Variants in STARD9 observed in about 807,000 individuals in gnomAD.
STARD9 encodes the protein stAR-related lipid transfer protein 9.
Under a neutral mutation model 399.8 loss-of-function variants are expected in STARD9, and 346 were observed. That is an observed-to-expected ratio of 0.87 (90% CI 0.79 to 0.95). STARD9 has a LOEUF of 0.95. Ranked by LOEUF, STARD9 falls within the 40% of genes least tolerant of loss-of-function variation. The probability of loss-of-function intolerance (pLI) is 0.00; values close to 1 mark genes in which losing one functional copy is unlikely to be tolerated. For synonymous variants in STARD9, 2,203 were observed against 2,143.5 expected, an observed-to-expected ratio of 1.03 and a Z score of -0.77; for missense variants, 5,832 against 5,667.5, an observed-to-expected ratio of 1.03 and a Z score of -0.93.
chr15:42,674,721 T>C (rs1394441828), intron 17 of STARD9, 106 bp from the exon 18 acceptor site: 3 of 1,407,526 alleles, frequency 2.1e-6, no homozygotes, highest in Non-Finnish European at 2.8e-6. Flanking sequence ...TCTTTTATTA[T>C]GGTATGAGGT....
chr15:42,642,383 C>T (rs1455451586), intron 7 of STARD9, among the ~76,000 whole-genome samples: 1 of 152,174 alleles, frequency 6.6e-6, no homozygotes, highest in African/African-American at 2.4e-5. Flanking sequence ...TGCACAAGGG[C>T]CTGCCCAAAG....
intron 9 of STARD9, among the ~76,000 whole-genome samples, chr15:42,656,080 G>C (rs1010835548): frequency 6.6e-6 from 1 of 151,930 alleles, no homozygotes; most frequent in African/African-American, 2.4e-5. Flanking sequence ...AAAGAGGCTG[G>C]GTCAGTGGCT....
intron 3 of STARD9, among the ~76,000 whole-genome samples, chr15:42,590,186 C>T (rs947066540): frequency 6.6e-6 from 1 of 150,704 alleles, no homozygotes; most frequent in Non-Finnish European, 1.5e-5. Context: ...TGGTCTCAAA[C>T]TCCTGGGCTC....
rs1261053021 is a variant in STARD9, at chr15:42,717,062, C to T, written c.13494+14C>T. On this transcript the variant is annotated intron_variant, in intron 28 of 32. Transcript: ENST00000290607. ...TCTATGGCTGATGTGAGTAACTGCT[C>T]CCACCCATCCCTACCATTCCTTTAC... 2 of 1,536,982 alleles carry T rather than the reference C, an allele frequency of 1.3e-6. No homozygotes were observed. The highest frequency in any genetic ancestry group is 1.7e-6 in the Non-Finnish European group (2 of 1,146,788).
chr15:42,691,317 G>A lies in STARD9; in HGVS notation c.9739G>A (p.Ala3247Thr). 6.5e-7 allele frequency: 1 copy of A among 1,537,230 alleles called. No homozygotes were observed. Among genetic ancestry groups the A allele is most frequent in the Non-Finnish European group, 8.7e-7 (1 of 1,146,896 alleles). ...CTTAGATGGCTGTCAGATTTTAGATGCTGGGAGAGAGGAGGTGGCTGTGGC... is the reference window on the plus strand; with the variant it reads ...CTTAGATGGCTGTCAGATTTTAGATACTGGGAGAGAGGAGGTGGCTGTGGC... ...DGLDGCQILD[A>T]GREEVAVAKP... Residue 3247 changes from alanine to threonine, a missense_variant, in exon 23 of 33, where the codon GCT (alanine) becomes ACT (threonine). This residue lies in a region of STARD9 where 5,828 missense variants were observed against 5,651.1 expected (regional missense o/e 1.03). Coordinates refer to ENST00000290607, the MANE Select transcript of STARD9 (RefSeq NM_020759.3).
intron 26 of STARD9, among the ~76,000 whole-genome samples, chr15:42,705,250 T>C (rs2061050753): frequency 6.6e-6 from 1 of 152,244 alleles, no homozygotes; most frequent in South Asian, 2.1e-4. Context: ...CTGTCCTTCC[T>C]ATTATCTTTA....
chr15:42,717,082 C>T (rs1367421543), intron 28 of STARD9, 34 bp downstream of exon 28: 3 of 1,536,412 alleles, frequency 2.0e-6, no homozygotes, highest in Non-Finnish European at 2.6e-6. Flanking sequence ...CCTACCATTC[C>T]TTTACCCAGA....
intron 26 of STARD9, among the ~76,000 whole-genome samples, chr15:42,704,626 C>T (rs2061036352): frequency 6.6e-6 from 1 of 152,152 alleles, no homozygotes; most frequent in South Asian, 2.1e-4. Flanking sequence ...GTTACAGACT[C>T]CAATGTCCCT....
At chr15:42,597,996 A>ATGTGTGTG (rs1267453797) in intron 3 of STARD9, among the ~76,000 whole-genome samples, 156 of 43,958 alleles carry the variant, frequency 3.5e-3, no homozygotes, top group East Asian at 0.011. Flanking sequence ...GTTTGTATAT[A>ATGTGTGTG]TATATGTGTG....
chr15:42,692,171 T>G lies in STARD9; in HGVS notation c.10593T>G (p.Thr3531=). 1 of 1,537,074 alleles carries G rather than the reference T, an allele frequency of 6.5e-7. No homozygotes were observed. Among genetic ancestry groups the G allele is most frequent in the Admixed American group, 2.0e-5 (1 of 50,994 alleles). ...QNSPFHSHLS[T]YANICDLSTT... is the part of the protein sequence containing the mutation. ...CCCCTTTCCACTCCCACCTCAGCAC[T>G]TACGCCAATATTTGTGATCTGTCAA... The change falls in exon 23 of 33, where the codon ACT becomes ACG. Residue 3531 remains threonine, a synonymous_variant. Transcript: ENST00000290607.
intron 4 of STARD9, among the ~76,000 whole-genome samples, chr15:42,637,353 T>C (rs2059439119): frequency 6.6e-6 from 1 of 151,956 alleles, no homozygotes; most frequent in Non-Finnish European, 1.5e-5. Context: ...GCTGAGACCA[T>C]AGGCACACGC....
At chr15:42,624,452 A>G (rs2059156384) in intron 3 of STARD9, among the ~76,000 whole-genome samples, 1 of 146,918 alleles carries the variant, frequency 6.8e-6, no homozygotes, top group African/African-American at 2.7e-5. Flanking sequence ...TTATCTAGAA[A>G]TAAAACAAAA....
intron 16 of STARD9, among the ~76,000 whole-genome samples, chr15:42,673,749 G>C (rs1405445013): frequency 1.3e-5 from 2 of 152,096 alleles, no homozygotes; most frequent in Non-Finnish European, 2.9e-5. Context: ...TCCTAACATA[G>C]CTATGTGGGT....
In STARD9 at chr15:42,716,920, C is replaced by T. The variant is rs753241747; in HGVS notation, c.13373-7C>T. ...GCTATCACAGGGCCTCCACCTATTT[C>T]TTGTAGGCCACAGAGCCTCCCTGGG... On this transcript the variant is annotated splice_region_variant and splice_polypyrimidine_tract_variant and intron_variant, in intron 27 of 32. Coordinates refer to ENST00000290607, the MANE Select transcript of STARD9 (RefSeq NM_020759.3). 1.3e-6 allele frequency: 2 copies of T among 1,537,062 alleles called. No homozygotes were observed. The highest frequency in any genetic ancestry group is 2.7e-5 in the African/African-American group (2 of 73,028).
At chr15:42,676,648 A>G (rs1595752122) in intron 20 of STARD9, among the ~76,000 whole-genome samples, 1 of 152,132 alleles carries the variant, frequency 6.6e-6, no homozygotes, top group East Asian at 1.9e-4. Context: ...TTCTACATAA[A>G]ACACCCTTCC....
At chr15:42,642,832 ACT>A (rs1441576201) in intron 7 of STARD9, among the ~76,000 whole-genome samples, 1 of 152,054 alleles carries the variant, frequency 6.6e-6, no homozygotes, top group Non-Finnish European at 1.5e-5. Flanking sequence ...AGAGTCTCAC[ACT>A]GTCATCCAGG....
At chr15:42,717,434 G>A (rs2061370976) in intron 28 of STARD9, among the ~76,000 whole-genome samples, 1 of 151,968 alleles carries the variant, frequency 6.6e-6, no homozygotes, top group African/African-American at 2.4e-5. Flanking sequence ...ACCAGCCTGG[G>A]CAACATGGTG....
intron 3 of STARD9, among the ~76,000 whole-genome samples, chr15:42,586,575 C>T (rs1293152485): frequency 1.3e-5 from 2 of 152,204 alleles, no homozygotes; most frequent in Non-Finnish European, 2.9e-5. Flanking sequence ...TGGCCACAGA[C>T]AGTAGCCCTT....
intron 26 of STARD9, among the ~76,000 whole-genome samples, chr15:42,715,749 TCTACCGCCTTGG>T (rs1235864269): frequency 6.6e-6 from 1 of 152,116 alleles, no homozygotes; most frequent in African/African-American, 2.4e-5. Context: ...CCTCAGGTGA[TCTACCGCCTTGG>T]CCTCCCAAAG....
Sources: gnomAD v4.1 joint callset for allele counts (sites outside exome capture counted in the v4.1 genomes callset) on GRCh38, gnomAD v4.1.1 for gene constraint, gnomAD v4.1.1 regional missense constraint, MANE v1.5 for transcripts, NCBI Gene and HGNC (gene_info 2026-07-23, HGNC 2026-07-21) for gene names.